Variants in SRFBP1 observed in about 807,000 individuals in gnomAD.
The protein encoded by SRFBP1 is serum response factor-binding protein 1.
In SRFBP1, 47 loss-of-function variants were observed where a neutral mutation model predicts 45.5. The observed-to-expected ratio is 1.03, with a 90% CI of 0.82 to 1.32. The LOEUF is 1.32. SRFBP1 is among the 40% of genes most tolerant of loss of function. The probability of loss-of-function intolerance (pLI) is 0.00; values close to 1 mark genes in which losing one functional copy is unlikely to be tolerated. For missense variants in SRFBP1, 621 were observed against 484.6 expected, an observed-to-expected ratio of 1.28 and a Z score of -2.64; for synonymous variants, 203 against 166.3, an observed-to-expected ratio of 1.22 and a Z score of -1.70.
At chr5:121,966,227 G>A (rs982655693) in intron 1 of SRFBP1, among the ~76,000 whole-genome samples, 3 of 152,064 alleles carry the variant, frequency 2.0e-5, no homozygotes, top group African/African-American at 7.2e-5. Context: ...TACTAAGTAT[G>A]TTGTAAAGAG....
chr5:122,008,170 C>T (rs901041775), intron 4 of SRFBP1, among the ~76,000 whole-genome samples: 2 of 151,740 alleles, frequency 1.3e-5, no homozygotes, highest in Non-Finnish European at 2.9e-5. Flanking sequence ...TGCCCTGAAG[C>T]CTAGGGCTGG....
chr5:121,984,803 C>G (rs1179584547), intron 3 of SRFBP1, among the ~76,000 whole-genome samples: 2 of 151,784 alleles, frequency 1.3e-5, no homozygotes, highest in Non-Finnish European at 3.0e-5. Flanking sequence ...GAGATATTTT[C>G]CAGATCAGCT....
At chr5:122,057,465 G>C (rs143993833) in intron 2 of SRFBP1, among the ~76,000 whole-genome samples, 105 of 85,968 alleles carry the variant, frequency 1.2e-3, no homozygotes, top group African/African-American at 4.9e-3. Context: ...AGTTCTGTGT[G>C]TGTGTGTGTG....
intron 2 of SRFBP1, among the ~76,000 whole-genome samples, chr5:122,052,480 A>T (rs999552414): frequency 1.3e-5 from 2 of 151,958 alleles, no homozygotes; most frequent in East Asian, 3.9e-4. Flanking sequence ...TGTCTGACTG[A>T]ATTATTTCAG....
At chr5:121,986,310 G>A (rs765166790) in intron 3 of SRFBP1, among the ~76,000 whole-genome samples, 4 of 152,008 alleles carry the variant, frequency 2.6e-5, no homozygotes, top group Admixed American at 6.6e-5. Flanking sequence ...ATTTAGCAGC[G>A]TGGAGATCAT....
chr5:122,040,469 G>A (rs1333810545), intron 2 of SRFBP1, among the ~76,000 whole-genome samples: 1 of 152,132 alleles, frequency 6.6e-6, no homozygotes, highest in Non-Finnish European at 1.5e-5. Flanking sequence ...TTAAAAGGAT[G>A]TTTTTCAGTA....
chr5:122,048,547 A>T (rs1753906449), intron 2 of SRFBP1, among the ~76,000 whole-genome samples: 1 of 152,168 alleles, frequency 6.6e-6, no homozygotes, highest in African/African-American at 2.4e-5. Flanking sequence ...TATCAGGATG[A>T]TGCTGGCCTC....
At chr5:122,049,703 G>A (rs1316917297) in intron 2 of SRFBP1, among the ~76,000 whole-genome samples, 3 of 152,138 alleles carry the variant, frequency 2.0e-5, no homozygotes, top group Non-Finnish European at 4.4e-5. Flanking sequence ...AATCAAACTA[G>A]AACTCAGGAT....
chr5:121,995,904 A>G (rs1165383003), intron 4 of SRFBP1, among the ~76,000 whole-genome samples: 2 of 152,194 alleles, frequency 1.3e-5, no homozygotes, highest in Non-Finnish European at 2.9e-5. Context: ...AATAAATTAG[A>G]AAATCTAGAA....
chr5:122,032,056 T>G (rs369516324), downstream of SRFBP1, among the ~76,000 whole-genome samples: 1 of 152,192 alleles, frequency 6.6e-6, no homozygotes, highest in South Asian at 2.1e-4. Context: ...TAGCGCTGAT[T>G]ATACGACCTT....
At chr5:122,072,534 A>T (rs1754479365) in intron 2 of SRFBP1, among the ~76,000 whole-genome samples, 1 of 152,230 alleles carries the variant, frequency 6.6e-6, no homozygotes, top group Non-Finnish European at 1.5e-5. Context: ...TATAAATCTA[A>T]AGAAGTTATA....
chr5:122,059,387 C>T (rs1240932198), intron 2 of SRFBP1, among the ~76,000 whole-genome samples: 5 of 152,066 alleles, frequency 3.3e-5, no homozygotes, highest in Non-Finnish European at 7.4e-5. Context: ...ATCCCTCTGA[C>T]CTCATCCCCT....
At chr5:122,050,228 C>T (rs957079981) in intron 2 of SRFBP1, among the ~76,000 whole-genome samples, 1 of 151,930 alleles carries the variant, frequency 6.6e-6, no homozygotes, top group Admixed American at 6.6e-5. Context: ...TTCTCTGCCA[C>T]GTTTTGATAT....
intron 4 of SRFBP1, among the ~76,000 whole-genome samples, chr5:122,001,867 T>C (rs1442309999): frequency 6.6e-6 from 1 of 152,176 alleles, no homozygotes. Flanking sequence ...GGCCATCCTT[T>C]GGTATCTTAA....
intron 1 of SRFBP1, among the ~76,000 whole-genome samples, chr5:121,962,340 T>C: frequency 6.6e-6 from 1 of 152,242 alleles, no homozygotes; most frequent in East Asian, 1.9e-4. Flanking sequence ...TATTCTCGTC[T>C]GTAAAGCGGA....
intron 4 of SRFBP1, among the ~76,000 whole-genome samples, chr5:122,000,783 A>G: frequency 6.6e-6 from 1 of 152,122 alleles, no homozygotes; most frequent in East Asian, 1.9e-4. Flanking sequence ...AACTCTCCAG[A>G]TAGGAACCAG....
intron 4 of SRFBP1, among the ~76,000 whole-genome samples, chr5:122,014,985 T>C (rs1753168029): frequency 6.6e-6 from 1 of 152,222 alleles, no homozygotes; most frequent in African/African-American, 2.4e-5. Flanking sequence ...TTCCCAGAAT[T>C]TCTTATGTCT....
chr5:122,035,602 T>C (rs1253864890), intron 2 of SRFBP1, among the ~76,000 whole-genome samples: 2 of 152,204 alleles, frequency 1.3e-5, no homozygotes, highest in Admixed American at 6.5e-5. Flanking sequence ...GATTTTGTAA[T>C]TTTTTCTATT....
chr5:122,033,723 C>T (rs868631060), intron 2 of SRFBP1, among the ~76,000 whole-genome samples: 3 of 150,324 alleles, frequency 2.0e-5, no homozygotes, highest in Non-Finnish European at 4.4e-5. Context: ...ACTCCCAGAG[C>T]GCTGGGATTA....
Sources: gnomAD v4.1 joint callset for allele counts (sites outside exome capture counted in the v4.1 genomes callset) on GRCh38, gnomAD v4.1.1 for gene constraint, MANE v1.5 for transcripts, NCBI Gene and HGNC (gene_info 2026-07-23, HGNC 2026-07-21) for gene names.